Variants in PDE7B observed in about 807,000 individuals in gnomAD.
The protein encoded by PDE7B is phosphodiesterase 7B.
A neutral mutation model predicts 56.2 loss-of-function variants in PDE7B; 29 were observed. That is an observed-to-expected ratio of 0.52 (90% CI 0.38 to 0.70). The LOEUF (loss-of-function observed/expected upper bound fraction) is 0.70, where lower values mean the gene tolerates loss of function less well. PDE7B is among the 30% of genes least tolerant of loss of function. The pLI is 0.00. For missense variants in PDE7B, 490 were observed against 565.0 expected (o/e 0.87, Z 1.35); for synonymous variants, 197 against 196.9 (o/e 1.00, Z 0.00).
At chr6:135,890,275 A>C (rs1026823036) in intron 1 of PDE7B, among the ~76,000 whole-genome samples, 1 of 152,232 alleles carries the variant, frequency 6.6e-6, no homozygotes, top group Admixed American at 6.5e-5. Flanking sequence ...ATTTCCTTAC[A>C]AAATTATTCT....
chr6:135,955,634 G>T (rs889816468), intron 2 of PDE7B, among the ~76,000 whole-genome samples: 2 of 152,140 alleles, frequency 1.3e-5, no homozygotes, highest in African/African-American at 2.4e-5. Context: ...ACTTTAGACA[G>T]ATCATCTGTT....
intron 2 of PDE7B, among the ~76,000 whole-genome samples, chr6:135,980,712 T>C (rs1775279150): frequency 6.7e-6 from 1 of 149,008 alleles, no homozygotes; most frequent in South Asian, 2.2e-4. Flanking sequence ...ATCAGAGAAA[T>C]GCAAATCAAA....
chr6:135,861,581 T>A lies in PDE7B; in HGVS notation c.21+9562T>A, dbSNP rs1775147478. Among the ~76,000 whole-genome samples, 4 of 150,876 alleles carry A rather than the reference T, an allele frequency of 2.7e-5. No individual in the cohort carries two copies. In the South Asian group the frequency reaches 8.3e-4, roughly 31 times the overall value. On this transcript the variant is annotated intron_variant, in intron 1 of 12. Coordinates refer to ENST00000308191, the MANE Select transcript of PDE7B (RefSeq NM_018945.4). ...ATATATATTACAAACATTTTTTCCA[T>A]TGGTAAAATCTCATGTTTTATTCTT...
chr6:136,171,140 T>G (rs1778872745), intron 8 of PDE7B, among the ~76,000 whole-genome samples: 1 of 152,168 alleles, frequency 6.6e-6, no homozygotes, highest in Non-Finnish European at 1.5e-5. Context: ...CAATTGAGTA[T>G]AAGAAATATT....
intron 1 of PDE7B, among the ~76,000 whole-genome samples, chr6:135,853,603 C>T (rs988871842): frequency 1.3e-5 from 2 of 151,982 alleles, no homozygotes; most frequent in African/African-American, 4.8e-5. Flanking sequence ...CAAAAACTGT[C>T]TCTGCCTTGT....
intron 1 of PDE7B, among the ~76,000 whole-genome samples, chr6:135,893,030 G>C (rs1015720622): frequency 6.6e-6 from 1 of 151,950 alleles, no homozygotes; most frequent in Admixed American, 6.6e-5. Context: ...TCTTCTTTTA[G>C]ATTTCTACCA....
chr6:135,934,090 A>G (rs1194179808), intron 1 of PDE7B, among the ~76,000 whole-genome samples: 3 of 152,200 alleles, frequency 2.0e-5, no homozygotes, highest in African/African-American at 7.2e-5. Flanking sequence ...GAGCGTAAGT[A>G]CTAATAAAAA....
intron 8 of PDE7B, among the ~76,000 whole-genome samples, chr6:136,156,997 T>G (rs1199196686): frequency 6.6e-6 from 1 of 152,232 alleles, no homozygotes; most frequent in Non-Finnish European, 1.5e-5. Flanking sequence ...ATGCCTTTGA[T>G]GTAGTATATT....
chr6:136,022,918 G>A (rs1319675016), intron 2 of PDE7B, among the ~76,000 whole-genome samples: 1 of 151,840 alleles, frequency 6.6e-6, no homozygotes, highest in Non-Finnish European at 1.5e-5. Context: ...ACAAAGCAAT[G>A]TTTCTATTAA....
chr6:135,997,925 C>T (rs1347846110), intron 2 of PDE7B, among the ~76,000 whole-genome samples: 1 of 152,080 alleles, frequency 6.6e-6, no homozygotes, highest in East Asian at 1.9e-4. Context: ...CTATAAGGAT[C>T]ATTTAGTACA....
At chr6:136,116,937 G>A (rs1441088904) in intron 3 of PDE7B, 3 of 152,164 alleles carry the variant, frequency 2.0e-5, no homozygotes, top group African/African-American at 7.2e-5. Flanking sequence ...TTCCTTTAGT[G>A]AGAAACTCTA....
intron 8 of PDE7B, among the ~76,000 whole-genome samples, chr6:136,163,477 G>C (rs999559567): frequency 6.6e-6 from 1 of 152,210 alleles, no homozygotes; most frequent in Admixed American, 6.5e-5. Flanking sequence ...TACCTCCCTA[G>C]GCCTCCAGGC....
intron 2 of PDE7B, among the ~76,000 whole-genome samples, chr6:136,025,020 G>A (rs1175196866): frequency 2.0e-5 from 3 of 152,170 alleles, no homozygotes; most frequent in Non-Finnish European, 2.9e-5. Context: ...GTTAATGGGG[G>A]AAAAGTTCTA....
intron 1 of PDE7B, among the ~76,000 whole-genome samples, chr6:135,863,692 A>T (rs868477357): frequency 0.01 from 1,411 of 138,650 alleles, 9 homozygotes; most frequent in South Asian, 0.018. Context: ...ATCCCTTCCA[A>T]TTTTTTTTTT....
At chr6:135,903,824 C>G (rs1477873719) in intron 1 of PDE7B, among the ~76,000 whole-genome samples, 4 of 152,104 alleles carry the variant, frequency 2.6e-5, no homozygotes, top group Admixed American at 6.5e-5. Flanking sequence ...TTTTCATGAG[C>G]ATGTACAGAA....
At chr6:135,908,098 T>G (rs913943772) in intron 1 of PDE7B, among the ~76,000 whole-genome samples, 38 of 152,182 alleles carry the variant, frequency 2.5e-4, no homozygotes, top group African/African-American at 8.9e-4. Flanking sequence ...CTTTTTTTTT[T>G]TTTTCTTGAG....
chr6:136,173,608 T>C (rs1778928550), intron 8 of PDE7B, among the ~76,000 whole-genome samples, 189 bp from the exon 9 acceptor site: 1 of 152,134 alleles, frequency 6.6e-6, no homozygotes, highest in Admixed American at 6.6e-5. Context: ...TGTTCTCCCA[T>C]CATCATCACA....
chr6:136,155,675 G>A lies in PDE7B; in HGVS notation c.628G>A (p.Ala210Thr), dbSNP rs1176170349. 6.2e-7 allele frequency: 1 copy of A among 1,613,236 alleles called. No individual in the cohort carries two copies. Among genetic ancestry groups the A allele is most frequent in the South Asian group, 1.1e-5 (1 of 91,062 alleles). The change falls in exon 8 of 13, where the codon GCA (alanine) becomes ACA (threonine). Residue 210 changes from alanine (A) to threonine (T), a missense_variant. Coordinates refer to ENST00000308191, the MANE Select transcript of PDE7B (RefSeq NM_018945.4). ...PLDIMLGLLAAAAHDVDHPGV... is the reference protein window; with the variant it reads ...PLDIMLGLLATAAHDVDHPGV... ...GGACATCATGCTTGGACTGCTGGCT[G>A]CAGCAGCACACGATGTGGACCACCC...
intron 2 of PDE7B, among the ~76,000 whole-genome samples, chr6:135,951,864 A>G (rs997511143): frequency 6.6e-6 from 1 of 152,144 alleles, no homozygotes; most frequent in African/African-American, 2.4e-5. Flanking sequence ...GAGTATTCAT[A>G]TTAGTCAGTT....
Sources: gnomAD v4.1 joint callset for allele counts (sites outside exome capture counted in the v4.1 genomes callset) on GRCh38, gnomAD v4.1.1 for gene constraint, MANE v1.5 for transcripts, NCBI Gene and HGNC (gene_info 2026-07-23, HGNC 2026-07-21) for gene names.